The following SP140 variants were observed in gnomAD, a reference collection of about 807,000 sequenced individuals.
SP140 encodes nuclear body protein SP140.
A neutral mutation model predicts 125.0 loss-of-function variants in SP140; 81 were observed. The observed-to-expected ratio is 0.65, with a 90% CI of 0.54 to 0.78. SP140 has a LOEUF of 0.78. Ranked by LOEUF, SP140 falls within the 30% of genes least tolerant of loss-of-function variation. The pLI is 0.00. For synonymous variants in SP140, 312 were observed against 354.0 expected, an observed-to-expected ratio of 0.88 and a Z score of 1.33; for missense variants, 858 against 1,037.0, an observed-to-expected ratio of 0.83 and a Z score of 2.37.
chr2:230,195,129 C>A, the SP140 span, among the ~76,000 whole-genome samples: 2 of 151,922 alleles, frequency 1.3e-5, no homozygotes, highest in Admixed American at 6.6e-5. Context: ...AAACCCACAT[C>A]TTTTATGGCT....
chr2:230,237,290 C>T lies in SP140; in HGVS notation c.237+30C>T, dbSNP rs774643387. ...GTAAGAATTTCCAAATGATGATAAA[C>T]CAGGTCCATACTCAATTATGCCAAA... On this transcript the variant is annotated intron_variant, in intron 2 of 26. Coordinates refer to ENST00000392045, the MANE Select transcript of SP140 (RefSeq NM_007237.5). This position sits in a 1 kb window ranked among gnomAD's most constrained non-coding sequence, Gnocchi z 5.4. The T allele has an allele frequency of 6.3e-7, 1 of 1,598,436 alleles. No individual in the cohort carries two copies. Among genetic ancestry groups the T allele is most frequent in the East Asian group, 2.2e-5 (1 of 44,496 alleles).
At chr2:230,197,724 G>A in the SP140 span, among the ~76,000 whole-genome samples, 2 of 151,700 alleles carry the variant, frequency 1.3e-5, no homozygotes, top group Admixed American at 1.3e-4. Context: ...TTTTGTATAA[G>A]GTGTAAGGAA....
chr2:230,226,061 T>C (rs539643966), intron 1 of SP140, among the ~76,000 whole-genome samples, 158 bp downstream of exon 1: 13 of 152,324 alleles, frequency 8.5e-5, no homozygotes, highest in African/African-American at 2.9e-4. Flanking sequence ...ATTGCAGGGA[T>C]TGGCTGTTGG....
At chr2:230,245,799 A>C in intron 6 of SP140, 64 bp from the exon 7 acceptor site, 4 of 1,011,940 alleles carry the variant, frequency 4.0e-6, no homozygotes, top group South Asian at 1.3e-5. Flanking sequence ...AGAGCTCAGC[A>C]TGGATCCAGG....
chr2:230,211,638 C>A lies in SP140; in HGVS notation c.-322-2016C>A. 1.1e-6 allele frequency: 1 copy of A among 876,984 alleles called. No individual in the cohort carries two copies. The highest frequency in any genetic ancestry group is 1.9e-6 in the Non-Finnish European group (1 of 514,532). 54.3% of individuals were successfully genotyped at this position (876,984 alleles called of 1,614,324 possible). On this transcript the variant is annotated intron_variant, in intron 1 of 4. Coordinates refer to the SP140 transcript ENST00000456542. The surrounding 1 kb of genome is among the most constrained non-coding windows in gnomAD (Gnocchi z 4.2). ...GAGAAAAGAGAATGCTCTATTCCAA[C>A]AAGTAAAAATGACGGGGTAACAGCA...
chr2:230,213,570 C>T (rs954182824), intron 1 of SP140: 1 of 158,532 alleles, frequency 6.3e-6, no homozygotes, highest in Non-Finnish European at 1.4e-5. Flanking sequence ...CACAATACCC[C>T]AGACCCTTGG....
At chr2:230,315,342 C>T (rs1016389966), downstream of SP140, among the ~76,000 whole-genome samples, 3 of 152,120 alleles carry the variant, frequency 2.0e-5, no homozygotes, top group Non-Finnish European at 4.4e-5. Context: ...AACTCACATG[C>T]CGGGGAAAGG....
chr2:230,245,648 A>G (rs895564345), intron 6 of SP140, among the ~76,000 whole-genome samples: 1 of 152,106 alleles, frequency 6.6e-6, no homozygotes, highest in African/African-American at 2.4e-5. Flanking sequence ...ATGTGTAAAG[A>G]CAGGGTTAGA....
At chr2:230,235,896 G>A (rs927777108) in intron 1 of SP140, among the ~76,000 whole-genome samples, 3 of 95,242 alleles carry the variant, frequency 3.1e-5, no homozygotes, top group Admixed American at 2.8e-4. Context: ...TTTTTTTTGA[G>A]ATGGAGTCTT....
intron 1 of SP140, among the ~76,000 whole-genome samples, chr2:230,227,618 G>C (rs777466980): frequency 6.6e-6 from 1 of 152,108 alleles, no homozygotes; most frequent in South Asian, 2.1e-4. Context: ...ATAGATGTAG[G>C]CCTATTCAGA....
intron 21 of SP140, among the ~76,000 whole-genome samples, chr2:230,296,948 A>T (rs2057792210): frequency 6.6e-6 from 1 of 152,236 alleles, no homozygotes; most frequent in Non-Finnish European, 1.5e-5. Context: ...AGGTCCAAAA[A>T]ATCAGATATG....
chr2:230,284,207 C>A, intron 15 of SP140, 139 bp from the exon 16 acceptor site: 1 of 769,018 alleles, frequency 1.3e-6, no homozygotes, highest in Non-Finnish European at 2.1e-6. Flanking sequence ...CTCCACGCTG[C>A]TACACTGATC....
In SP140 at chr2:230,267,257, C is replaced by T. The variant is rs148454557; in HGVS notation, c.1241-2275C>T. On this transcript the variant is annotated intron_variant, in intron 12 of 26. Transcript: ENST00000392045. ...CCTATTTTGTTTATTGCTTGCAGACCTCAAATCATCCGTAGTGTAGGTATA... is the reference window on the plus strand; with the variant it reads ...CCTATTTTGTTTATTGCTTGCAGACTTCAAATCATCCGTAGTGTAGGTATA... Among the ~76,000 whole-genome samples the T allele has an allele frequency of 4.3e-3, 655 of 152,248 alleles. 4 individuals are homozygous for T. Among genetic ancestry groups the T allele is most frequent in the Non-Finnish European group, 6.2e-3 (421 of 68,012 alleles).
At chr2:230,224,538 G>A (rs1213257501), upstream of SP140, among the ~76,000 whole-genome samples, 1 of 151,402 alleles carries the variant, frequency 6.6e-6, no homozygotes, top group Admixed American at 6.6e-5. Context: ...AGAGAGGAGA[G>A]AGAGAGAGAT....
chr2:230,281,234 T>G (rs767887040), intron 15 of SP140, among the ~76,000 whole-genome samples: 1 of 152,192 alleles, frequency 6.6e-6, no homozygotes, highest in African/African-American at 2.4e-5. Flanking sequence ...AGATTCACAA[T>G]TAACATTGTA....
rs766213408 is a variant in SP140 at position 230,269,513 on chromosome 2, T to C, written c.1241-19T>C. 1.3e-6 allele frequency: 2 copies of C among 1,483,728 alleles called. No homozygotes were observed. Among genetic ancestry groups the C allele is most frequent in the Admixed American group, 1.7e-5 (1 of 59,832 alleles). 91.9% of individuals were successfully genotyped at this position (1,483,728 alleles called of 1,614,324 possible). A position where few individuals can be genotyped will look rare whatever the true frequency, so the allele number is the denominator to read the frequency against. ...TTGTCTCAGGATCCTTGGACAATAA[T>C]TTTCTTGTTTCTCATTAGTGTCTAG... On this transcript the variant is annotated intron_variant, in intron 12 of 26. Coordinates refer to ENST00000392045, the MANE Select transcript of SP140 (RefSeq NM_007237.5).
At chr2:230,269,641 G>T in intron 13 of SP140, 23 bp downstream of exon 13, 1 of 1,375,166 alleles carries the variant, frequency 7.3e-7, no homozygotes, top group South Asian at 1.3e-5. Flanking sequence ...TAAAAATAGT[G>T]AAAACAGAAA....
Position 230,206,596 on chromosome 2 carries a change from TA to T in SP140, c.-323+3318del, listed in dbSNP as rs1370677041. On this transcript the variant is annotated intron_variant, in intron 1 of 4. Coordinates refer to the SP140 transcript ENST00000456542. ...ATTATATATTATCTGGTCCAGATTT[TA>T]TATATATATATATATATATATATAT... is the stretch of plus-strand genomic sequence containing the variant. Among the ~76,000 whole-genome samples the T allele has an allele frequency of 9.8e-3, 80 of 8,144 alleles. 1 individual carries two copies. Among genetic ancestry groups the T allele is most frequent in the African/African-American group, 0.024 (21 of 866 alleles). 5.3% of individuals were successfully genotyped at this position (8,144 alleles called of 152,430 possible). A position where few individuals can be genotyped will look rare whatever the true frequency, so the allele number is the denominator to read the frequency against.
chr2:230,234,128 C>G (rs879479077), intron 1 of SP140, among the ~76,000 whole-genome samples: 3 of 152,180 alleles, frequency 2.0e-5, no homozygotes, highest in Non-Finnish European at 4.4e-5. Context: ...TCAAATAATT[C>G]GTCCTACACA....
Sources: allele counts gnomAD v4.1 joint callset (sites outside exome capture counted in the v4.1 genomes callset), GRCh38; gene constraint gnomAD v4.1.1; non-coding constraint Gnocchi (gnomAD v3.1); transcripts MANE v1.5; gene names NCBI Gene and HGNC (gene_info 2026-07-23, HGNC 2026-07-21).